The following CNBD1 variants were observed in gnomAD, a reference collection of about 807,000 sequenced individuals.
The protein encoded by CNBD1 is cyclic nucleotide-binding domain-containing protein 1.
Under a neutral mutation model 54.4 loss-of-function variants are expected in CNBD1, and 71 were observed. The observed-to-expected ratio is 1.30, with a 90% CI of 1.08 to 1.59. CNBD1 has a LOEUF of 1.59. Ranked by LOEUF, CNBD1 falls within the 40% of genes most tolerant of loss-of-function variation. CNBD1 has a pLI of 0.00. For missense variants in CNBD1, 659 were observed against 518.0 expected (o/e 1.27, Z -2.64); for synonymous variants, 182 against 170.7 (o/e 1.07, Z -0.51).
chr8:87,029,333 G>C (rs1223920086), intron 4 of CNBD1, among the ~76,000 whole-genome samples: 1 of 152,176 alleles, frequency 6.6e-6, no homozygotes, highest in Admixed American at 6.5e-5. Flanking sequence ...AGGAATCACA[G>C]TCATGGTAAT....
intron 5 of CNBD1, among the ~76,000 whole-genome samples, chr8:87,210,021 C>T (rs557759914): frequency 2.0e-5 from 3 of 152,240 alleles, no homozygotes; most frequent in East Asian, 3.9e-4. Context: ...AGGTGCTCTT[C>T]CCACTTTACT....
chr8:87,077,638 A>G lies in CNBD1; in HGVS notation c.432-128355A>G, dbSNP rs147798305. Among the ~76,000 whole-genome samples the G allele has an allele frequency of 7.3e-4, 103 of 140,224 alleles. 3 individuals are homozygous for G. The South Asian group carries it at 0.014, about 20-fold the overall frequency. The allele number at this position is 140,224 out of a possible 152,430, so 92.0% of individuals were successfully genotyped here. On this transcript the variant is annotated intron_variant, in intron 4 of 10. Transcript: ENST00000518476. Reference sequence around the variant, plus strand: ...TGTGTCCAAGTGTTCTTGTTGTTCAATTCCCACCTATGAGTGAGAACATGT... The same window carrying G: ...TGTGTCCAAGTGTTCTTGTTGTTCAGTTCCCACCTATGAGTGAGAACATGT...
At chr8:87,364,953 C>T (rs760628110) in intron 10 of CNBD1, among the ~76,000 whole-genome samples, 5 of 151,980 alleles carry the variant, frequency 3.3e-5, no homozygotes, top group Middle Eastern at 3.4e-3. Flanking sequence ...CAGTGAACAT[C>T]GCTGTGCATG....
intron 3 of CNBD1, among the ~76,000 whole-genome samples, chr8:86,908,693 G>A (rs531833100): frequency 5.3e-5 from 8 of 151,830 alleles, no homozygotes; most frequent in Non-Finnish European, 1.0e-4. Context: ...TAAAGTACCA[G>A]TATGTTTAAA....
intron 4 of CNBD1, among the ~76,000 whole-genome samples, chr8:87,164,530 A>G (rs1181859819): frequency 2.0e-5 from 3 of 151,318 alleles, no homozygotes; most frequent in East Asian, 3.9e-4. Context: ...GGTAGGTTCT[A>G]TTTTTCTAGA....
At chr8:87,005,154 C>T (rs572600995) in intron 4 of CNBD1, among the ~76,000 whole-genome samples, 2 of 151,556 alleles carry the variant, frequency 1.3e-5, no homozygotes, top group South Asian at 2.1e-4. Flanking sequence ...GAGGCCGAGG[C>T]GGGTGGATCA....
intron 2 of CNBD1, among the ~76,000 whole-genome samples, chr8:87,415,697 C>T (rs1214926702): frequency 6.6e-6 from 1 of 151,862 alleles, no homozygotes; most frequent in East Asian, 1.9e-4. Context: ...TTCTAGATTC[C>T]TGTCCAAACT....
intron 8 of CNBD1, among the ~76,000 whole-genome samples, chr8:87,324,335 A>T (rs1399829029): frequency 7.9e-6 from 1 of 126,056 alleles, no homozygotes; most frequent in East Asian, 2.0e-4. Flanking sequence ...GTTAGGGAGG[A>T]TTCCCTCTTT....
Position 87,092,523 on chromosome 8 carries a change from GTGTA to G in CNBD1, c.432-113458_432-113455del, listed in dbSNP as rs546656480. ...TATATATGTGTGTGTGTGTATGTGT[GTGTA>G]TGTATGTATGTGTGTGTATATATAT... On this transcript the variant is annotated intron_variant, in intron 4 of 10. Transcript: ENST00000518476. Among the ~76,000 whole-genome samples the G allele has an allele frequency of 2.1e-3, 301 of 143,996 alleles. 4 individuals are homozygous for G. The highest frequency in any genetic ancestry group is 5.9e-3 in the African/African-American group (222 of 37,772). The allele number at this position is 143,996 out of a possible 152,430, so 94.5% of individuals were successfully genotyped here.
chr8:87,422,871 G>T (rs1387128544), intron 2 of CNBD1, among the ~76,000 whole-genome samples: 1 of 152,108 alleles, frequency 6.6e-6, no homozygotes, highest in African/African-American at 2.4e-5. Context: ...GGGCAGTATG[G>T]CCATTTTCAC....
chr8:87,194,028 C>T (rs985938335), intron 4 of CNBD1, among the ~76,000 whole-genome samples: 4 of 152,160 alleles, frequency 2.6e-5, no homozygotes, highest in Non-Finnish European at 4.4e-5. Flanking sequence ...AGCTGAGCTC[C>T]GCCTCCTGTC....
chr8:87,063,123 G>C (rs1049336259), intron 4 of CNBD1, among the ~76,000 whole-genome samples: 1 of 152,116 alleles, frequency 6.6e-6, no homozygotes, highest in African/African-American at 2.4e-5. Context: ...TAGCCCACTT[G>C]GATGAAAGTA....
chr8:87,079,036 A>G (rs1207674886), intron 4 of CNBD1, among the ~76,000 whole-genome samples: 1 of 148,530 alleles, frequency 6.7e-6, no homozygotes, highest in Non-Finnish European at 1.5e-5. Context: ...TTCTAGACCC[A>G]GGAAACTACC....
chr8:87,140,240 A>G (rs73263916), intron 4 of CNBD1, among the ~76,000 whole-genome samples: 3,636 of 152,072 alleles, frequency 0.024, 151 homozygotes, highest in African/African-American at 0.08. Context: ...TGTCTCTCAT[A>G]CACACACACC....
chr8:87,136,016 G>A (rs1369185638), intron 4 of CNBD1, among the ~76,000 whole-genome samples: 1 of 152,012 alleles, frequency 6.6e-6, no homozygotes, highest in Non-Finnish European at 1.5e-5. Context: ...CTATAATAGA[G>A]TATAGGCTGT....
intron 4 of CNBD1, among the ~76,000 whole-genome samples, chr8:87,136,577 T>A (rs111600507): frequency 8.0e-5 from 7 of 87,174 alleles, no homozygotes; most frequent in African/African-American, 2.7e-4. Flanking sequence ...TATATTTATA[T>A]TATATATAAA....
chr8:87,404,101 G>C (rs1807613537), intron 2 of CNBD1, among the ~76,000 whole-genome samples: 1 of 152,016 alleles, frequency 6.6e-6, no homozygotes, highest in South Asian at 2.1e-4. Context: ...ATTCAGGGAA[G>C]GTATTAGATC....
chr8:87,214,778 G>A (rs556991013), intron 5 of CNBD1, among the ~76,000 whole-genome samples: 70 of 152,186 alleles, frequency 4.6e-4, no homozygotes, highest in African/African-American at 1.6e-3. Flanking sequence ...AGAGCCAAGC[G>A]AAAATGGAAA....
chr8:87,151,587 A>G (rs1177674049), intron 4 of CNBD1, among the ~76,000 whole-genome samples: 1 of 152,172 alleles, frequency 6.6e-6, no homozygotes, highest in Non-Finnish European at 1.5e-5. Context: ...TATTCCATGC[A>G]TATTCTCTGG....
Sources: allele counts gnomAD v4.1 joint callset (sites outside exome capture counted in the v4.1 genomes callset), GRCh38; gene constraint gnomAD v4.1.1; transcripts MANE v1.5; gene names NCBI Gene and HGNC (gene_info 2026-07-23, HGNC 2026-07-21).